CHD1: variants seen among roughly 807,000 people sequenced by gnomAD.
CHD1 encodes ATP-dependent chromatin remodeler CHD1.
In CHD1, 36 loss-of-function variants were observed where a neutral mutation model predicts 224.2. That is an observed-to-expected ratio of 0.16 (90% CI 0.12 to 0.21). CHD1 has a LOEUF of 0.21. Among genes scored for constraint, CHD1 ranks in the 10% least tolerant of loss-of-function variants. CHD1 has a pLI of 1.00. For synonymous variants in CHD1, 668 were observed against 658.3 expected (o/e 1.01, Z -0.23); for missense variants, 1,378 against 1,994.8 (o/e 0.69, Z 5.89).
Position 98,926,351 on chromosome 5 carries a change from G to A in CHD1, c.36C>T (p.Asn12=), listed in dbSNP as rs1401448042. Residue 12 remains asparagine, a synonymous_variant, in exon 2 of 36, where the codon AAC becomes AAT. Coordinates refer to ENST00000614616, the MANE Select transcript of CHD1 (RefSeq NM_001270.4). ...TTACTTACCTTGATTCTCCACTACT[G>A]TTTCTAACACTTTCTTCATCACTGT... ...NGHSDEESVR[N]SSGESSQSDD... 2.6e-6 allele frequency: 4 copies of A among 1,529,782 alleles called. No homozygotes were observed. The South Asian group carries it at 3.8e-5, about 14-fold the overall frequency. 94.8% of individuals were successfully genotyped at this position (1,529,782 alleles called of 1,614,324 possible). A position where few individuals can be genotyped will look rare whatever the true frequency, so the allele number is the denominator to read the frequency against.
rs141105120 is a variant in CHD1, at chr5:98,856,790, T to C, written c.4788-65A>G. On this transcript the variant is annotated intron_variant, in intron 35 of 35. Coordinates refer to ENST00000614616, the MANE Select transcript of CHD1 (RefSeq NM_001270.4). ...AATTAAAATGTTTCCAAATAAAAGA[T>C]AACTAAAAAACATAAAAATACCTTA... 2.1e-3 allele frequency: 2,214 copies of C among 1,057,554 alleles called. 30 individuals carry two copies. The Admixed American group carries it at 0.023, about 11-fold the overall frequency. The allele number at this position is 1,057,554 out of a possible 1,614,324, so 65.5% of individuals were successfully genotyped here.
intron 8 of CHD1, among the ~76,000 whole-genome samples, chr5:98,899,032 T>C (rs867441100): frequency 6.6e-6 from 1 of 152,200 alleles, no homozygotes; most frequent in Middle Eastern, 3.2e-3. Context: ...TACCTTGAGA[T>C]GGAATAAAAT....
chr5:98,867,805 T>G (rs1024747796), intron 31 of CHD1, among the ~76,000 whole-genome samples: 4 of 147,070 alleles, frequency 2.7e-5, no homozygotes, highest in African/African-American at 7.5e-5. Flanking sequence ...GTTTTTTTTT[T>G]TTTTTTTTTT....
At chr5:98,922,507 T>A (rs1201061466) in intron 2 of CHD1, among the ~76,000 whole-genome samples, 2 of 152,170 alleles carry the variant, frequency 1.3e-5, no homozygotes. Context: ...GAAAGCTAAC[T>A]GTAACCTGCA....
At chr5:98,868,306 G>A (rs1190409328) in intron 31 of CHD1, among the ~76,000 whole-genome samples, 189 bp downstream of exon 31, 14 of 137,392 alleles carry the variant, frequency 1.0e-4, no homozygotes, top group South Asian at 4.6e-4. Flanking sequence ...CAGCCTGGGC[G>A]ACAGTGAGAT....
chr5:98,856,170 A>G lies in CHD1; in HGVS notation c.*210T>C, dbSNP rs1748005829. On this transcript the variant is annotated 3_prime_UTR_variant, in exon 36 of 36. Coordinates refer to ENST00000614616, the MANE Select transcript of CHD1 (RefSeq NM_001270.4). Reference sequence around the variant, plus strand: ...AAAAGAAAACAAAAAAAAGTACTACAATTTTGTAGTACAGTGCAGCATAAT... The same window carrying G: ...AAAAGAAAACAAAAAAAAGTACTACGATTTTGTAGTACAGTGCAGCATAAT... The G allele has an allele frequency of 4.8e-6, 2 of 414,330 alleles. No homozygotes were observed. Among genetic ancestry groups the G allele is most frequent in the African/African-American group, 2.0e-5 (1 of 50,844 alleles). 25.7% of individuals were successfully genotyped at this position (414,330 alleles called of 1,614,324 possible).
intron 29 of CHD1, 88 bp downstream of exon 29, chr5:98,870,599 T>C: frequency 1.6e-6 from 1 of 611,216 alleles, no homozygotes; most frequent in Non-Finnish European, 2.9e-6. Context: ...TAAGCTCATA[T>C]TGACTTCAGA....
At chr5:98,865,950 TG>T (rs33993651) in intron 31 of CHD1, among the ~76,000 whole-genome samples, 97,243 of 151,756 alleles carry the variant, frequency 0.64, 33,861 homozygotes, top group African/African-American at 0.92. Context: ...AAAAGAAATG[TG>T]GGGGGAAAAA....
rs764987430 is a variant in CHD1 at position 98,904,980 on chromosome 5, A to T, written c.172T>A (p.Ser58Thr). ...GSSDSDSGSE[S>T]GSQSESESDT... ...GACTCAGACTCTGACTGACTGCCTG[A>T]TTCAGATCCGGAGTCAGAGTCACTG... Residue 58 changes from serine (S) to threonine (T), a missense_variant, in exon 3 of 36, where the codon TCA (serine) becomes ACA (threonine). Ser to Thr is a moderately conservative substitution (Grantham distance 58). This residue lies in a region of CHD1 where 306 missense variants were observed against 298.1 expected (regional missense o/e 1.03). Coordinates refer to ENST00000614616, the MANE Select transcript of CHD1 (RefSeq NM_001270.4). 2.5e-6 allele frequency: 4 copies of T among 1,602,820 alleles called. No homozygotes were observed. The South Asian group carries it at 4.4e-5, about 18-fold the overall frequency.
chr5:98,911,147 ATATAT>A (rs1227574463), intron 2 of CHD1, among the ~76,000 whole-genome samples: 9 of 47,754 alleles, frequency 1.9e-4, no homozygotes, highest in African/African-American at 8.7e-4. Context: ...AAAAAAAAAA[ATATAT>A]ATATATATAT....
chr5:98,881,720 G>C (rs1750204213), intron 20 of CHD1, among the ~76,000 whole-genome samples: 1 of 151,996 alleles, frequency 6.6e-6, no homozygotes, highest in East Asian at 1.9e-4. Context: ...ATGTTGCCTA[G>C]TGCAGTATAT....
chr5:98,888,563 C>A (rs973953908), intron 16 of CHD1, among the ~76,000 whole-genome samples: 8 of 152,148 alleles, frequency 5.3e-5, no homozygotes, highest in Admixed American at 4.6e-4. Context: ...GAAGCAGCAG[C>A]AACTAAGCAA....
At chr5:98,883,520 A>G (rs1750352420) in intron 18 of CHD1, among the ~76,000 whole-genome samples, 1 of 152,084 alleles carries the variant, frequency 6.6e-6, no homozygotes, top group Non-Finnish European at 1.5e-5. Flanking sequence ...CATATACCAA[A>G]AAAAGAACTC....
At chr5:98,872,393 C>A in intron 27 of CHD1, 24 bp downstream of exon 27, 1 of 1,597,392 alleles carries the variant, frequency 6.3e-7, no homozygotes, top group East Asian at 2.2e-5. Flanking sequence ...AAAAATCTTA[C>A]AATGGAGAAA....
chr5:98,869,611 C>T, intron 30 of CHD1, 143 bp downstream of exon 30: 1 of 780,288 alleles, frequency 1.3e-6, no homozygotes, highest in South Asian at 1.7e-5. Context: ...AGTGCGTGCG[C>T]ACGTGCGCGC....
At chr5:98,864,786 G>C (rs1305564508) in intron 31 of CHD1, among the ~76,000 whole-genome samples, 1 of 152,070 alleles carries the variant, frequency 6.6e-6, no homozygotes. Flanking sequence ...TTTAAGAAAG[G>C]GAAAATCTTT....
At chr5:98,865,013 TAAATGAACAAG>T (rs1748753113) in intron 31 of CHD1, among the ~76,000 whole-genome samples, 1 of 152,060 alleles carries the variant, frequency 6.6e-6, no homozygotes, top group African/African-American at 2.4e-5. Context: ...AGAGAGCCAG[TAAATGAACAAG>T]AAATAGTATG....
At chr5:98,927,195 C>T (rs1217595372) in intron 1 of CHD1, among the ~76,000 whole-genome samples, 2 of 152,096 alleles carry the variant, frequency 1.3e-5, no homozygotes, top group Non-Finnish European at 2.9e-5. Flanking sequence ...AGAATATACA[C>T]TATATCTGAT....
At chr5:98,869,066 T>C (rs553148589) in intron 30 of CHD1, 1 of 904,262 alleles carries the variant, frequency 1.1e-6, no homozygotes, top group Non-Finnish European at 1.3e-6. Flanking sequence ...TACTTTGTTT[T>C]CTCTTTTTTC....
Sources: allele counts gnomAD v4.1 joint callset (sites outside exome capture counted in the v4.1 genomes callset), GRCh38; gene constraint gnomAD v4.1.1; regional missense constraint gnomAD v4.1.1; transcripts MANE v1.5; gene names NCBI Gene and HGNC (gene_info 2026-07-23, HGNC 2026-07-21).